COL18A1: variants seen among roughly 807,000 people sequenced by gnomAD.
The protein encoded by COL18A1 is collagen type XVIII alpha 1 chain.
COL18A1 carries 133 observed loss-of-function variants against 168.0 expected under a neutral mutation model. The observed-to-expected ratio is 0.79, with a 90% CI of 0.69 to 0.91. The LOEUF is 0.91. Among genes scored for constraint, COL18A1 ranks in the 40% least tolerant of loss-of-function variants. The pLI is 0.00. For missense variants in COL18A1, 2,126 were observed against 1,925.4 expected, an observed-to-expected ratio of 1.10 and a Z score of -1.95; for synonymous variants, 949 against 809.0, an observed-to-expected ratio of 1.17 and a Z score of -2.94.
At chr21:45,455,492 G>A (rs760347610) in intron 2 of COL18A1, 6 of 1,608,092 alleles carry the variant, frequency 3.7e-6, no homozygotes, top group African/African-American at 1.3e-5. Flanking sequence ...CAGGCACAGA[G>A]GCCCTCCCGC....
At chr21:45,422,988 A>G (rs539587016) in intron 2 of COL18A1, among the ~76,000 whole-genome samples, 8 of 151,882 alleles carry the variant, frequency 5.3e-5, no homozygotes, top group East Asian at 1.9e-4. Context: ...AATTTTTTGT[A>G]TTTTTAGTAG....
Position 45,478,356 on chromosome 21 carries a change from G to C in COL18A1, c.1248+3G>C. On this transcript the variant is annotated splice_donor_region_variant and intron_variant, in intron 9 of 41. Transcript: ENST00000651438. ...ACCCCGGTGAAGACGGAAAGCCGGT[G>C]AGTCTGCTTTTCTTTCTGACCCCTG... 1 of 1,614,200 alleles carries C rather than the reference G, an allele frequency of 6.2e-7. No homozygotes were observed. The highest frequency in any genetic ancestry group is 8.5e-7 in the Non-Finnish European group (1 of 1,180,032).
At position 45,491,280 on chromosome 21, in the gene COL18A1, C is replaced by G; in HGVS notation, c.2123C>G (p.Pro708Arg). 1 of 1,612,332 alleles carries G rather than the reference C, an allele frequency of 6.2e-7. No homozygotes were observed. Among genetic ancestry groups the G allele is most frequent in the Non-Finnish European group, 8.5e-7 (1 of 1,179,716 alleles). The change falls in exon 22 of 42, where the codon CCC (proline) becomes CGC (arginine). Residue 708 changes from proline to arginine, a missense_variant. Coordinates refer to ENST00000651438, the MANE Select transcript of COL18A1 (RefSeq NM_001379500.1). ...GQPGLPGPPG[P>R]PGPVVYVSEQ... The stretch of plus-strand genomic sequence containing the variant: ...CCGGGCCTCCCTGGCCCCCCCGGAC[C>G]CCCGGGACCTGTGGTCTACGTGTCG...
At chr21:45,491,879 G>C (rs1490359729) in intron 22 of COL18A1, among the ~76,000 whole-genome samples, 1 of 152,206 alleles carries the variant, frequency 6.6e-6, no homozygotes, top group Non-Finnish European at 1.5e-5. Context: ...GCTGAGCCCT[G>C]GGCAGATGCA....
chr21:45,430,708 A>G (rs778459240), intron 2 of COL18A1, among the ~76,000 whole-genome samples: 7 of 151,942 alleles, frequency 4.6e-5, no homozygotes, highest in Admixed American at 6.6e-5. Context: ...ACTTGCCTTT[A>G]TTTCTAGGCA....
At chr21:45,468,876 C>A (rs1324514260) in intron 3 of COL18A1, 90 bp downstream of exon 3, 1 of 1,334,288 alleles carries the variant, frequency 7.5e-7, no homozygotes, top group Non-Finnish European at 1.0e-6. Flanking sequence ...GGAGCTGTGG[C>A]CGGAAGAGGA....
chr21:45,505,617 C>T (rs1377008374), intron 36 of COL18A1, among the ~76,000 whole-genome samples, 186 bp downstream of exon 36: 2 of 152,170 alleles, frequency 1.3e-5, no homozygotes, highest in Non-Finnish European at 2.9e-5. Flanking sequence ...AGGACGACCA[C>T]CAGCCGGGAA....
intron 32 of COL18A1, among the ~76,000 whole-genome samples, chr21:45,503,729 A>G (rs901134181): frequency 6.6e-6 from 1 of 151,980 alleles, no homozygotes; most frequent in Admixed American, 6.6e-5. Flanking sequence ...TGGCACATGT[A>G]TACATATGTA....
At chr21:45,480,291 G>A in intron 11 of COL18A1, 135 bp downstream of exon 11, 1 of 1,247,918 alleles carries the variant, frequency 8.0e-7, no homozygotes. Flanking sequence ...GGTCACAGGT[G>A]TGGTGGGAGC....
chr21:45,440,482 C>A (rs150298460), intron 2 of COL18A1, among the ~76,000 whole-genome samples: 106 of 151,970 alleles, frequency 7.0e-4, no homozygotes, highest in African/African-American at 2.4e-3. Context: ...GCAGTCGGGG[C>A]CTGCTGGGGT....
At chr21:45,421,227 T>A (rs2033613102) in intron 2 of COL18A1, 1 of 361,906 alleles carries the variant, frequency 2.8e-6, no homozygotes, top group African/African-American at 2.1e-5. Context: ...CCCACCCCCA[T>A]AGGTGCTTGC....
intron 26 of COL18A1, chr21:45,494,004 G>A (rs1863312069): frequency 2.3e-5 from 6 of 260,518 alleles, no homozygotes; most frequent in Admixed American, 1.5e-4. Flanking sequence ...CTGTGCCTGC[G>A]TCCCCACCCC....
At chr21:45,492,205 G>A (rs1024120975) in intron 22 of COL18A1, among the ~76,000 whole-genome samples, 4 of 152,290 alleles carry the variant, frequency 2.6e-5, no homozygotes, top group East Asian at 1.9e-4. Context: ...TCGGCGTGAC[G>A]GTCAAGACAT....
At chr21:45,475,702 G>A (rs1193219243) in intron 5 of COL18A1, among the ~76,000 whole-genome samples, 167 bp downstream of exon 5, 1 of 152,220 alleles carries the variant, frequency 6.6e-6, no homozygotes, top group Admixed American at 6.5e-5. Flanking sequence ...GCAGACGCTC[G>A]GAGCCTGGGC....
intron 2 of COL18A1, among the ~76,000 whole-genome samples, chr21:45,449,595 C>T (rs1258363469): frequency 1.3e-5 from 2 of 151,992 alleles, no homozygotes; most frequent in African/African-American, 2.4e-5. Context: ...CACTGAGCAG[C>T]GGGGGAAAGA....
chr21:45,496,949 C>T (rs963987700), intron 30 of COL18A1, 101 bp from the exon 31 acceptor site: 4 of 797,116 alleles, frequency 5.0e-6, no homozygotes, highest in African/African-American at 1.7e-5. Context: ...TATGTGGCCT[C>T]ATACAGGGGC....
chr21:45,412,430 C>T (rs71334063), intron 2 of COL18A1, among the ~76,000 whole-genome samples: 24,122 of 150,464 alleles, frequency 0.16, 2,222 homozygotes, highest in Non-Finnish European at 0.2. Context: ...AAAGTAGAGA[C>T]GGGGTTTTGC....
At chr21:45,479,018 A>G (rs2035783226) in intron 9 of COL18A1, among the ~76,000 whole-genome samples, 1 of 152,172 alleles carries the variant, frequency 6.6e-6, no homozygotes, top group Non-Finnish European at 1.5e-5. Flanking sequence ...CACGGCAGAC[A>G]AAGGACAGTC....
chr21:45,492,532 C>G lies in COL18A1; in HGVS notation c.2158-3C>G. 1 of 1,613,382 alleles carries G rather than the reference C, an allele frequency of 6.2e-7. No individual in the cohort carries two copies. Among genetic ancestry groups the G allele is most frequent in the Non-Finnish European group, 8.5e-7 (1 of 1,180,012 alleles). ...TCCGATTTTTCCTTTTGCTCGTGGACAGGGATCCGTCCTGAGCGTGCCGGG... is the reference window on the plus strand; with the variant it reads ...TCCGATTTTTCCTTTTGCTCGTGGAGAGGGATCCGTCCTGAGCGTGCCGGG... On this transcript the variant is annotated splice_region_variant and splice_polypyrimidine_tract_variant and intron_variant, in intron 22 of 41. Transcript: ENST00000651438.
Sources: allele counts gnomAD v4.1 joint callset (sites outside exome capture counted in the v4.1 genomes callset), GRCh38; gene constraint gnomAD v4.1.1; transcripts MANE v1.5; gene names NCBI Gene and HGNC (gene_info 2026-07-23, HGNC 2026-07-21).